Variants in DLGAP2 observed in about 807,000 individuals in gnomAD.
The protein encoded by DLGAP2 is DLG associated protein 2, also known as disks large-associated protein 2.
A neutral mutation model predicts 100.3 loss-of-function variants in DLGAP2; 26 were observed. The observed-to-expected ratio is 0.26, with a 90% CI of 0.19 to 0.36. The LOEUF is 0.36. Among genes scored for constraint, DLGAP2 ranks in the 10% least tolerant of loss-of-function variants. DLGAP2 has a pLI of 1.00. For missense variants in DLGAP2, 1,858 were observed against 1,453.2 expected (o/e 1.28, Z -4.53); for synonymous variants, 886 against 630.1 (o/e 1.41, Z -6.08).
chr8:792,089 T>C (rs150942399), intron 1 of DLGAP2, among the ~76,000 whole-genome samples: 1 of 152,364 alleles, frequency 6.6e-6, no homozygotes, highest in East Asian at 1.9e-4. Flanking sequence ...TCATGTTTTC[T>C]ACTTTGATGA....
intron 3 of DLGAP2, among the ~76,000 whole-genome samples, chr8:1,444,831 G>T (rs1044165035): frequency 2.1e-5 from 3 of 142,064 alleles, no homozygotes; most frequent in African/African-American, 5.4e-5. Flanking sequence ...TCAGGCTGGA[G>T]TGCAGTGGCG....
chr8:1,590,859 C>A (rs972545219), intron 6 of DLGAP2, among the ~76,000 whole-genome samples: 2 of 152,162 alleles, frequency 1.3e-5, no homozygotes, highest in Non-Finnish European at 2.9e-5. Flanking sequence ...CTGGCAGAGG[C>A]CTTCACTGTC....
In DLGAP2 at chr8:1,703,025, G is replaced by C. The variant is rs1244526821; in HGVS notation, c.*1619G>C. On this transcript the variant is annotated 3_prime_UTR_variant, in exon 15 of 15. Coordinates refer to ENST00000637795, the MANE Select transcript of DLGAP2 (RefSeq NM_001346810.2). Reference sequence around the variant, plus strand: ...GCAGCCCGTGGCTGGCAGGGCGTTCGATGTGCGGTTGGCCCCCAGCGCGCC... The same window carrying C: ...GCAGCCCGTGGCTGGCAGGGCGTTCCATGTGCGGTTGGCCCCCAGCGCGCC... 1 of 152,734 alleles carries C rather than the reference G, an allele frequency of 6.5e-6. No homozygotes were observed. Among genetic ancestry groups the C allele is most frequent in the African/African-American group, 2.4e-5 (1 of 41,460 alleles). The allele number at this position is 152,734 out of a possible 1,614,324, so 9.5% of individuals were successfully genotyped here.
chr8:1,245,002 A>G (rs546662451), intron 2 of DLGAP2, among the ~76,000 whole-genome samples: 23 of 152,358 alleles, frequency 1.5e-4, no homozygotes, highest in African/African-American at 4.6e-4. Flanking sequence ...GACACTGGAC[A>G]TCTTTGACCA....
rs933009631 is a variant in DLGAP2, at chr8:1,701,051, G to A, written c.2950-137G>A. The A allele has an allele frequency of 6.7e-5, 51 of 756,626 alleles. No homozygotes were observed. The African/African-American group carries it at 8.7e-4, about 13-fold the overall frequency. 46.9% of individuals were successfully genotyped at this position (756,626 alleles called of 1,614,324 possible). On this transcript the variant is annotated intron_variant, in intron 14 of 14. Coordinates refer to ENST00000637795, the MANE Select transcript of DLGAP2 (RefSeq NM_001346810.2). ...CTGGGAGCCGGGGACCAGGGCAGACGGGGGACGGGAGTGAAGGATGCGGCC... is the reference window on the plus strand; with the variant it reads ...CTGGGAGCCGGGGACCAGGGCAGACAGGGGACGGGAGTGAAGGATGCGGCC...
intron 3 of DLGAP2, among the ~76,000 whole-genome samples, chr8:1,319,386 A>C (rs1383480679): frequency 6.6e-6 from 1 of 152,182 alleles, no homozygotes. Context: ...CCACGTGTGG[A>C]AACCTCCTGG....
At chr8:1,330,407 G>C (rs749575226) in intron 3 of DLGAP2, among the ~76,000 whole-genome samples, 5 of 149,856 alleles carry the variant, frequency 3.3e-5, no homozygotes, top group Admixed American at 6.7e-5. Flanking sequence ...ACTAGTTCTG[G>C]GTGGGAGCAC....
chr8:1,555,370 A>G (rs907802436), intron 5 of DLGAP2, among the ~76,000 whole-genome samples: 1 of 151,732 alleles, frequency 6.6e-6, no homozygotes, highest in Non-Finnish European at 1.5e-5. Flanking sequence ...TGCCCCCCAC[A>G]CTCTATGTTC....
At chr8:1,277,749 C>T (rs1799733052) in intron 3 of DLGAP2, among the ~76,000 whole-genome samples, 1 of 152,172 alleles carries the variant, frequency 6.6e-6, no homozygotes, top group Non-Finnish European at 1.5e-5. Flanking sequence ...CGTCAGGGAG[C>T]ACCCCCACCC....
At chr8:1,482,177 G>A (rs980506408) in intron 3 of DLGAP2, among the ~76,000 whole-genome samples, 2 of 152,244 alleles carry the variant, frequency 1.3e-5, no homozygotes, top group Admixed American at 1.3e-4. Flanking sequence ...AATGTGATGT[G>A]CTTGAGAACG....
intron 2 of DLGAP2, among the ~76,000 whole-genome samples, chr8:1,231,624 T>C (rs1428612001): frequency 6.6e-6 from 1 of 152,232 alleles, no homozygotes; most frequent in East Asian, 1.9e-4. Context: ...AAAATGGCTG[T>C]GTACACCGTG....
At chr8:1,320,055 G>C (rs562722030) in intron 3 of DLGAP2, among the ~76,000 whole-genome samples, 11 of 152,250 alleles carry the variant, frequency 7.2e-5, no homozygotes, top group African/African-American at 2.6e-4. Flanking sequence ...GGCCCAGGGA[G>C]TTGAGGAACT....
chr8:949,767 C>G (rs1799429753), intron 2 of DLGAP2, among the ~76,000 whole-genome samples: 1 of 152,192 alleles, frequency 6.6e-6, no homozygotes, highest in South Asian at 2.1e-4. Flanking sequence ...GAGAGTAGAG[C>G]TAAGAGGCTT....
At chr8:1,023,343 C>G (rs1421022527) in intron 2 of DLGAP2, among the ~76,000 whole-genome samples, 1 of 152,106 alleles carries the variant, frequency 6.6e-6, no homozygotes, top group Non-Finnish European at 1.5e-5. Context: ...GCTCCTCTCT[C>G]TGTAGCAATA....
chr8:1,320,082 C>G (rs1800860563), intron 3 of DLGAP2, among the ~76,000 whole-genome samples: 1 of 151,954 alleles, frequency 6.6e-6, no homozygotes, highest in African/African-American at 2.4e-5. Context: ...TGGTTGGGCT[C>G]TGGGTGCATT....
chr8:1,157,804 C>T (rs188627643), intron 2 of DLGAP2, among the ~76,000 whole-genome samples: 11 of 152,302 alleles, frequency 7.2e-5, no homozygotes, highest in East Asian at 3.9e-4. Context: ...ATCCTGGGAT[C>T]GGAGGGAGGC....
intron 1 of DLGAP2, among the ~76,000 whole-genome samples, chr8:820,576 C>A (rs1459840777): frequency 6.6e-6 from 1 of 152,192 alleles, no homozygotes; most frequent in Non-Finnish European, 1.5e-5. Flanking sequence ...GGTCCCCAGA[C>A]TCTAGGAAAA....
intron 3 of DLGAP2, among the ~76,000 whole-genome samples, chr8:1,488,577 G>A (rs1799289460): frequency 6.6e-6 from 1 of 152,152 alleles, no homozygotes; most frequent in Non-Finnish European, 1.5e-5. Context: ...AGCTGCCCAG[G>A]CCAAGAGGTG....
At chr8:1,106,736 A>G (rs1804786726) in intron 2 of DLGAP2, among the ~76,000 whole-genome samples, 1 of 151,622 alleles carries the variant, frequency 6.6e-6, no homozygotes, top group East Asian at 1.9e-4. Flanking sequence ...GAGCCATTCT[A>G]GGAGGGTTTT....
Sources: allele counts gnomAD v4.1 joint callset (sites outside exome capture counted in the v4.1 genomes callset), GRCh38; gene constraint gnomAD v4.1.1; transcripts MANE v1.5; gene names NCBI Gene and HGNC (gene_info 2026-07-23, HGNC 2026-07-21).